Variants in KLHL24 observed in about 807,000 individuals in gnomAD.
KLHL24 encodes kelch-like protein 24.
KLHL24 carries 29 observed loss-of-function variants against 53.4 expected under a neutral mutation model. The observed-to-expected ratio is 0.54, with a 90% CI of 0.40 to 0.74. The LOEUF (loss-of-function observed/expected upper bound fraction) is 0.74, where lower values mean the gene tolerates loss of function less well. KLHL24 is among the 30% of genes least tolerant of loss of function. KLHL24 has a pLI of 0.00. For synonymous variants in KLHL24, 222 were observed against 253.7 expected (o/e 0.88, Z 1.19); for missense variants, 504 against 744.0 (o/e 0.68, Z 3.75).
At chr3:183,640,758 C>A (rs558877861) in intron 1 of KLHL24, among the ~76,000 whole-genome samples, 1 of 152,076 alleles carries the variant, frequency 6.6e-6, no homozygotes, top group African/African-American at 2.4e-5. Context: ...CGCCACCACA[C>A]CCGGCTAATT....
Position 183,684,003 on chromosome 3 carries a change from T to C in KLHL24, c.*4717T>C, listed in dbSNP as rs1385694294. 1 of 152,640 alleles carries C rather than the reference T, an allele frequency of 6.6e-6. No homozygotes were observed. The highest frequency in any genetic ancestry group is 6.5e-5 in the Admixed American group (1 of 15,286). The allele number at this position is 152,640 out of a possible 1,614,324, so 9.5% of individuals were successfully genotyped here. A position where few individuals can be genotyped will look rare whatever the true frequency, so the allele number is the denominator to read the frequency against. ...TTTGATACCTAGGTGCTTTTTAAAA[T>C]ATTCAGACAAATATCTATCTTACAT... On this transcript the variant is annotated 3_prime_UTR_variant, in exon 8 of 8. Transcript: ENST00000242810.
At chr3:183,643,427 A>G (rs1476480614) in intron 1 of KLHL24, 53 bp from the exon 2 acceptor site, 1 of 152,258 alleles carries the variant, frequency 6.6e-6, no homozygotes, top group African/African-American at 2.4e-5. Flanking sequence ...TGCCAGCTGT[A>G]CATGAACTGA....
intron 7 of KLHL24, chr3:183,672,905 G>T (rs1172218610): frequency 6.6e-6 from 1 of 152,540 alleles, no homozygotes; most frequent in African/African-American, 2.4e-5. Context: ...TGCGGCAGGA[G>T]AATTGCTTGA....
At position 183,650,489 on chromosome 3, in the gene KLHL24, G is replaced by A; in HGVS notation, c.133G>A (p.Gly45Arg). ...TCATGAGTTTTTTGACTTCTCTTCA[G>A]GATCATCCCATGCCGAAAACATACT... The part of the protein sequence containing the change: ...TGHEFFDFSS[G>R]SSHAENILQI... The change falls in exon 3 of 8, where the codon GGA becomes AGA. Residue 45 changes from glycine to arginine, a missense_variant. Coordinates refer to ENST00000242810, the MANE Select transcript of KLHL24 (RefSeq NM_017644.3). This position sits in a 1 kb window ranked among gnomAD's most constrained non-coding sequence, Gnocchi z 4.5. 2 of 1,614,068 alleles carry A rather than the reference G, an allele frequency of 1.2e-6. No individual in the cohort carries two copies. The highest frequency in any genetic ancestry group is 1.7e-6 in the Non-Finnish European group (2 of 1,179,996).
intron 1 of KLHL24, among the ~76,000 whole-genome samples, chr3:183,637,816 G>T (rs561974235): frequency 3.9e-4 from 59 of 152,184 alleles, no homozygotes; most frequent in Non-Finnish European, 7.5e-4. Context: ...CCGCCACCAC[G>T]CCCGGCTAGT....
In KLHL24 at chr3:183,650,544, G is replaced by A. The variant is rs139113309; in HGVS notation, c.188G>A (p.Arg63His). Residue 63 changes from arginine to histidine, a missense_variant, in exon 3 of 8, where the codon CGC (arginine) becomes CAC (histidine). Arg to His is a conservative substitution (Grantham distance 29). Coordinates refer to ENST00000242810, the MANE Select transcript of KLHL24 (RefSeq NM_017644.3). The surrounding 1 kb of genome is among the most constrained non-coding windows in gnomAD (Gnocchi z 4.5). Reference protein sequence around the residue: ...LQIFNEFRDSRLFTDVIICVE... With the variant: ...LQIFNEFRDSHLFTDVIICVE... ...ATATTTAATGAATTTCGTGATAGCC[G>A]CTTATTCACAGATGTTATCATTTGT... is the stretch of plus-strand genomic sequence containing the variant. The A allele has an allele frequency of 1.7e-5, 28 of 1,613,958 alleles. No homozygotes were observed. The East Asian group carries it at 1.8e-4, about 10-fold the overall frequency.
At chr3:183,636,818 G>A (rs1425540347) in intron 1 of KLHL24, 5 of 151,868 alleles carry the variant, frequency 3.3e-5, no homozygotes, top group Admixed American at 6.5e-5. Flanking sequence ...CGGGTGGCGC[G>A]GGTGCGGGAG....
chr3:183,667,615 C>CA, intron 5 of KLHL24, among the ~76,000 whole-genome samples: 1 of 152,254 alleles, frequency 6.6e-6, no homozygotes, highest in East Asian at 1.9e-4. Flanking sequence ...CCACCAGCCC[C>CA]CCACCCAGAC....
At position 183,664,935 on chromosome 3, in the gene KLHL24, A is replaced by G. The variant is rs1720314900; in HGVS notation, c.1120A>G (p.Ser374Gly). 1 of 1,604,284 alleles carries G rather than the reference A, an allele frequency of 6.2e-7. No homozygotes were observed. Among genetic ancestry groups the G allele is most frequent in the Non-Finnish European group, 8.5e-7 (1 of 1,172,746 alleles). Residue 374 changes from serine (S) to glycine (G), a missense_variant, in exon 5 of 8, where the codon AGC becomes GGC. Ser to Gly is a moderately conservative substitution (Grantham distance 56). Transcript: ENST00000242810. ...DILVSGGRINSRDVWIYNSQL... is the reference protein window; with the variant it reads ...DILVSGGRINGRDVWIYNSQL... ...TGCATTTCAAGGTGGAAGAATCAACAGCCGTGATGTCTGGATTTATAACTC... is the reference window on the plus strand; with the variant it reads ...TGCATTTCAAGGTGGAAGAATCAACGGCCGTGATGTCTGGATTTATAACTC...
At chr3:183,644,058 T>TTC (rs1716874993) in intron 2 of KLHL24, 1 of 144,942 alleles carries the variant, frequency 6.9e-6, no homozygotes, top group Non-Finnish European at 1.5e-5. Context: ...TTTTTTTTTT[T>TTC]TGAGACGGAG....
In KLHL24 at chr3:183,644,421, C is replaced by G. The variant is rs555570118; in HGVS notation, c.-62+879C>G. Among the ~76,000 whole-genome samples the G allele has an allele frequency of 1.4e-4, 22 of 152,180 alleles. No homozygotes were observed. In the East Asian group the frequency reaches 4.2e-3, roughly 29 times the overall value. ...AGTAATTGGAGAGTTCCCAGAAAAT[C>G]CAGAGGAAGTCAAGATGCCCAAAAG... On this transcript the variant is annotated intron_variant, in intron 2 of 7. Coordinates refer to ENST00000242810, the MANE Select transcript of KLHL24 (RefSeq NM_017644.3).
chr3:183,660,042 A>G (rs1340644820), intron 3 of KLHL24, among the ~76,000 whole-genome samples: 4 of 152,050 alleles, frequency 2.6e-5, no homozygotes, highest in Non-Finnish European at 5.9e-5. Context: ...GAAAATTTAG[A>G]GAATGGGAGA....
chr3:183,658,351 A>G (rs1719215428), intron 3 of KLHL24, among the ~76,000 whole-genome samples: 1 of 152,146 alleles, frequency 6.6e-6, no homozygotes, highest in African/African-American at 2.4e-5. Context: ...GTTCTGTATC[A>G]TCACACATAG....
intron 3 of KLHL24, among the ~76,000 whole-genome samples, chr3:183,659,312 G>C (rs939778690): frequency 6.6e-6 from 1 of 152,114 alleles, no homozygotes; most frequent in East Asian, 1.9e-4. Context: ...CGAGATGGGT[G>C]GATCACTTGA....
At chr3:183,676,672 A>G (rs1016640266) in intron 7 of KLHL24, among the ~76,000 whole-genome samples, 1 of 152,146 alleles carries the variant, frequency 6.6e-6, no homozygotes, top group Admixed American at 6.5e-5. Context: ...ATTCCTAAAA[A>G]CACAGCTTAT....
chr3:183,674,423 C>T (rs529544614), intron 7 of KLHL24, among the ~76,000 whole-genome samples: 7 of 151,268 alleles, frequency 4.6e-5, no homozygotes, highest in South Asian at 2.1e-4. Context: ...TGCAATGGCG[C>T]GATCTCCACA....
intron 2 of KLHL24, among the ~76,000 whole-genome samples, chr3:183,646,502 C>T (rs1717268673): frequency 6.6e-6 from 1 of 151,940 alleles, no homozygotes; most frequent in Admixed American, 6.6e-5. Context: ...TCTGACTTTA[C>T]CTGCACATTT....
chr3:183,645,135 A>G (rs998418563), intron 2 of KLHL24, among the ~76,000 whole-genome samples: 4 of 152,258 alleles, frequency 2.6e-5, no homozygotes, highest in African/African-American at 9.6e-5. Flanking sequence ...ATCTAGATTA[A>G]TAAGGCATTA....
intron 3 of KLHL24, among the ~76,000 whole-genome samples, chr3:183,653,989 C>A (rs963540897): frequency 6.6e-6 from 1 of 152,170 alleles, no homozygotes; most frequent in African/African-American, 2.4e-5. Flanking sequence ...CTGAGAAACT[C>A]CAAACTTCTT....
Sources: allele counts gnomAD v4.1 joint callset (sites outside exome capture counted in the v4.1 genomes callset), GRCh38; gene constraint gnomAD v4.1.1; non-coding constraint Gnocchi (gnomAD v3.1); transcripts MANE v1.5; gene names NCBI Gene and HGNC (gene_info 2026-07-23, HGNC 2026-07-21).